Variants in SEMA5A observed in about 807,000 individuals in gnomAD.
SEMA5A encodes the protein semaphorin-5A.
SEMA5A carries 55 observed loss-of-function variants against 135.5 expected under a neutral mutation model. The ratio of observed to expected loss-of-function variants is 0.41; its 90% CI spans 0.33 to 0.51. The LOEUF (loss-of-function observed/expected upper bound fraction) is 0.51. Ranked by LOEUF, SEMA5A falls within the 20% of genes least tolerant of loss-of-function variation. The probability of loss-of-function intolerance (pLI) is 0.37; values close to 1 mark genes in which losing one functional copy is unlikely to be tolerated. For synonymous variants in SEMA5A, 580 were observed against 546.5 expected, an observed-to-expected ratio of 1.06 and a Z score of -0.85; for missense variants, 1,290 against 1,419.9, an observed-to-expected ratio of 0.91 and a Z score of 1.47.
At chr5:9,128,286 G>C in intron 13 of SEMA5A, among the ~76,000 whole-genome samples, 1 of 152,186 alleles carries the variant, frequency 6.6e-6, no homozygotes, top group East Asian at 1.9e-4. Context: ...AACCCCTTCA[G>C]TTGGGCCAGT....
chr5:9,144,710 A>C (rs1268157412), intron 12 of SEMA5A, among the ~76,000 whole-genome samples: 2 of 152,176 alleles, frequency 1.3e-5, no homozygotes, highest in African/African-American at 4.8e-5. Context: ...AGACATGTTC[A>C]CTTGAGACAG....
chr5:9,481,268 G>C (rs1055381284), intron 1 of SEMA5A, among the ~76,000 whole-genome samples: 1 of 152,068 alleles, frequency 6.6e-6, no homozygotes, highest in Non-Finnish European at 1.5e-5. Flanking sequence ...TTAAATATAC[G>C]TCTGGTGAAG....
At chr5:9,121,417 A>T (rs1313171222) in intron 14 of SEMA5A, among the ~76,000 whole-genome samples, 1 of 152,238 alleles carries the variant, frequency 6.6e-6, no homozygotes, top group Admixed American at 6.5e-5. Flanking sequence ...TAAAATAACT[A>T]CTAGTTGCAT....
At chr5:9,522,359 GA>G (rs1736881569) in intron 1 of SEMA5A, among the ~76,000 whole-genome samples, 1 of 152,176 alleles carries the variant, frequency 6.6e-6, no homozygotes, top group Non-Finnish European at 1.5e-5. Flanking sequence ...AAGATGGGCA[GA>G]TCACCTGAGG....
intron 16 of SEMA5A, among the ~76,000 whole-genome samples, chr5:9,074,855 G>A (rs1219154557): frequency 6.6e-6 from 1 of 152,168 alleles, no homozygotes; most frequent in Non-Finnish European, 1.5e-5. Flanking sequence ...ATCAGATGCT[G>A]AGGAGGACAC....
At chr5:9,419,795 T>A (rs541887785) in intron 2 of SEMA5A, among the ~76,000 whole-genome samples, 1 of 152,214 alleles carries the variant, frequency 6.6e-6, no homozygotes, top group Non-Finnish European at 1.5e-5. Context: ...TGACAAGATA[T>A]GGCAAAGCTC....
chr5:9,165,216 G>C (rs1294797495), intron 11 of SEMA5A, among the ~76,000 whole-genome samples: 1 of 151,680 alleles, frequency 6.6e-6, no homozygotes, highest in Admixed American at 6.6e-5. Context: ...TTTTCTCTAA[G>C]GTGCAATAAA....
intron 14 of SEMA5A, among the ~76,000 whole-genome samples, chr5:9,121,708 A>AG (rs1740820339): frequency 6.7e-6 from 1 of 148,592 alleles, no homozygotes; most frequent in African/African-American, 2.5e-5. Flanking sequence ...AAAACAAAAA[A>AG]AAACCCTAAT....
At chr5:9,369,039 T>C (rs40655) in intron 3 of SEMA5A, among the ~76,000 whole-genome samples, 114,031 of 152,132 alleles carry the variant, frequency 0.75, 42,942 homozygotes, top group East Asian at 0.86. Flanking sequence ...AGAGGTCCAG[T>C]TGTGCCATAT....
At chr5:9,196,763 A>C (rs1745408393) in intron 10 of SEMA5A, among the ~76,000 whole-genome samples, 2 of 152,166 alleles carry the variant, frequency 1.3e-5, no homozygotes, top group Admixed American at 1.3e-4. Context: ...TTTGCCAATT[A>C]GCGCTCTAAT....
intron 3 of SEMA5A, among the ~76,000 whole-genome samples, chr5:9,355,404 T>C (rs996682073): frequency 6.6e-6 from 1 of 151,980 alleles, no homozygotes; most frequent in Non-Finnish European, 1.5e-5. Context: ...CTAGAGAAGA[T>C]GGAGGAAAGG....
Position 9,149,192 on chromosome 5 carries a change from G to T in SEMA5A, c.1481+5296C>A, listed in dbSNP as rs181522106. 2.5e-3 allele frequency among the ~76,000 whole-genome samples: 384 copies of T among 152,250 alleles called. 4 individuals are homozygous for T. The highest frequency in any genetic ancestry group is 4.1e-3 in the Non-Finnish European group (280 of 68,030). On this transcript the variant is annotated intron_variant, in intron 12 of 22. Transcript: ENST00000382496. ...ACCCACACATCTACCCATTCATTATGGTCTATGGCTGCTTTCACACTGCAA... is the reference window on the plus strand; with the variant it reads ...ACCCACACATCTACCCATTCATTATTGTCTATGGCTGCTTTCACACTGCAA...
chr5:9,348,005 A>G lies in SEMA5A; in HGVS notation c.125-10193T>C, dbSNP rs548793587. On this transcript the variant is annotated intron_variant, in intron 3 of 22. Coordinates refer to ENST00000382496, the MANE Select transcript of SEMA5A (RefSeq NM_003966.3). ...CTTTGCATGATTTTCAGGCCATACC[A>G]CAAATAACTTGTCAAATCTCAGGAT... Among the ~76,000 whole-genome samples the G allele has an allele frequency of 3.9e-5, 6 of 152,264 alleles. No homozygotes were observed. The South Asian group carries it at 1.2e-3, about 32-fold the overall frequency.
intron 5 of SEMA5A, among the ~76,000 whole-genome samples, chr5:9,292,808 G>A (rs796216052): frequency 1.3e-5 from 2 of 152,206 alleles, no homozygotes; most frequent in East Asian, 1.9e-4. Flanking sequence ...CAGGGAACAC[G>A]TGGAAGTGTC....
Position 9,043,019 on chromosome 5 carries a change from G to A in SEMA5A, c.3106-3C>T. On this transcript the variant is annotated splice_region_variant and splice_polypyrimidine_tract_variant and intron_variant, in intron 22 of 22. Transcript: ENST00000382496. Reference sequence around the variant, plus strand: ...ATCAAGTTGTTTTTGTTAAATGCCTGGAAAATATATTAAAAAAAAACAGGT... The same window carrying A: ...ATCAAGTTGTTTTTGTTAAATGCCTAGAAAATATATTAAAAAAAAACAGGT... 1 of 1,526,122 alleles carries A rather than the reference G, an allele frequency of 6.6e-7. No individual in the cohort carries two copies. Among genetic ancestry groups the A allele is most frequent in the Non-Finnish European group, 8.7e-7 (1 of 1,146,236 alleles). The allele number at this position is 1,526,122 out of a possible 1,614,324, so 94.5% of individuals were successfully genotyped here.
chr5:9,123,397 TAAG>T (rs1272145428), intron 13 of SEMA5A, among the ~76,000 whole-genome samples: 4 of 108,576 alleles, frequency 3.7e-5, no homozygotes, highest in East Asian at 2.6e-4. Context: ...AGACAGAAAA[TAAG>T]AAGAGGAAGA....
chr5:9,394,403 G>A (rs140451784), intron 2 of SEMA5A, among the ~76,000 whole-genome samples: 1 of 152,278 alleles, frequency 6.6e-6, no homozygotes, highest in African/African-American at 2.4e-5. Flanking sequence ...CCCTCAGCAC[G>A]CCCTGCCGTG....
At chr5:9,496,660 G>T (rs184842930) in intron 1 of SEMA5A, among the ~76,000 whole-genome samples, 2 of 152,232 alleles carry the variant, frequency 1.3e-5, no homozygotes, top group African/African-American at 4.8e-5. Context: ...ATTCAGAGTT[G>T]TTGGAACTTA....
chr5:9,250,299 C>G (rs1234023274), intron 5 of SEMA5A, among the ~76,000 whole-genome samples: 1 of 152,140 alleles, frequency 6.6e-6, no homozygotes, highest in African/African-American at 2.4e-5. Flanking sequence ...AGCAGTAGCA[C>G]AAGTCTGCCT....
Sources: gnomAD v4.1 joint callset for allele counts (sites outside exome capture counted in the v4.1 genomes callset) on GRCh38, gnomAD v4.1.1 for gene constraint, MANE v1.5 for transcripts, NCBI Gene and HGNC (gene_info 2026-07-23, HGNC 2026-07-21) for gene names.